Variants in USH2A observed in about 807,000 individuals in gnomAD.
The protein encoded by USH2A is usherin.
Under a neutral mutation model 538.9 loss-of-function variants are expected in USH2A, and 443 were observed. The observed-to-expected ratio is 0.82, with a 90% CI of 0.76 to 0.89. The LOEUF is 0.89. Ranked by LOEUF, USH2A falls within the 40% of genes least tolerant of loss-of-function variation. The pLI, the probability that USH2A is intolerant of heterozygous loss-of-function variation, is 0.00. For missense variants in USH2A, 6,633 were observed against 6,324.8 expected (o/e 1.05, Z -1.65); for synonymous variants, 2,413 against 2,273.5 (o/e 1.06, Z -1.75).
At chr1:215,957,212 T>A (rs1049447266) in intron 37 of USH2A, among the ~76,000 whole-genome samples, 1 of 152,200 alleles carries the variant, frequency 6.6e-6, no homozygotes, top group African/African-American at 2.4e-5. Flanking sequence ...TTTATATTAA[T>A]ACTTGCTTTG....
At position 215,779,904 on chromosome 1, in the gene USH2A, C is replaced by T; in HGVS notation, c.10878G>A (p.Arg3626=). ...TGTGGATGAGACCTTTCCCAACCTG[C>T]CTGATCTGGTACTCTTTAATGACGC... is the stretch of plus-strand genomic sequence containing the variant. ...SNGVIKEYQI[R]QVGKGLIHTD... Residue 3626 remains arginine, a synonymous_variant, in exon 55 of 72, where the codon AGG becomes AGA. Coordinates refer to ENST00000307340, the MANE Select transcript of USH2A (RefSeq NM_206933.4). 2 of 1,614,128 alleles carry T rather than the reference C, an allele frequency of 1.2e-6. No homozygotes were observed. Among genetic ancestry groups the T allele is most frequent in the Non-Finnish European group, 1.7e-6 (2 of 1,180,030 alleles).
intron 13 of USH2A, among the ~76,000 whole-genome samples, chr1:216,236,765 G>C (rs2035828071): frequency 6.6e-6 from 1 of 152,100 alleles, no homozygotes; most frequent in Admixed American, 6.5e-5. Flanking sequence ...AGATGGAACA[G>C]AGCTGCAGAA....
chr1:216,157,157 C>T, intron 21 of USH2A, among the ~76,000 whole-genome samples: 1 of 152,096 alleles, frequency 6.6e-6, no homozygotes. Flanking sequence ...AGGTGTGAGC[C>T]ACCGCGCCCA....
chr1:215,947,557 T>C lies in USH2A; in HGVS notation c.7121-12762A>G, dbSNP rs1175769211. On this transcript the variant is annotated intron_variant, in intron 37 of 71. Transcript: ENST00000307340. ...CATTGTTCAAAGATCTGCCTACATA[T>C]ACTCACAAGAGATGGAGGTGAAACT... Among the ~76,000 whole-genome samples, 3 of 152,224 alleles carry C rather than the reference T, an allele frequency of 2.0e-5. No individual in the cohort carries two copies. The South Asian group carries it at 6.2e-4, about 32-fold the overall frequency.
chr1:216,334,424 A>T (rs763872071), intron 4 of USH2A, among the ~76,000 whole-genome samples: 7 of 152,030 alleles, frequency 4.6e-5, no homozygotes, highest in Non-Finnish European at 7.4e-5. Flanking sequence ...TTTAGAAGAC[A>T]TAAATCATAT....
intron 38 of USH2A, among the ~76,000 whole-genome samples, chr1:215,927,051 A>C (rs548119015): frequency 6.6e-6 from 1 of 152,314 alleles, no homozygotes; most frequent in African/African-American, 2.4e-5. Context: ...ACAAAGAGTC[A>C]GCTGTATTTT....
chr1:216,017,838 C>T (rs1668754130), intron 32 of USH2A, among the ~76,000 whole-genome samples: 1 of 152,138 alleles, frequency 6.6e-6, no homozygotes, highest in Non-Finnish European at 1.5e-5. Flanking sequence ...ATAATCAATC[C>T]TTAAATATTA....
At position 215,647,850 on chromosome 1, in the gene USH2A, T is replaced by C; in HGVS notation, c.14583-120A>G. On this transcript the variant is annotated intron_variant, in intron 66 of 71. Coordinates refer to ENST00000307340, the MANE Select transcript of USH2A (RefSeq NM_206933.4). Reference sequence around the variant, plus strand: ...TGTTTTCACAGAGCTACAGGCTCTTTAAAATTTCCATTTGCAGGAAACTGC... The same window carrying C: ...TGTTTTCACAGAGCTACAGGCTCTTCAAAATTTCCATTTGCAGGAAACTGC... The C allele has an allele frequency of 2.5e-6, 3 of 1,185,972 alleles. No homozygotes were observed. In the East Asian group the frequency reaches 7.6e-5, roughly 30 times the overall value. 73.5% of individuals were successfully genotyped at this position (1,185,972 alleles called of 1,614,324 possible). A position where few individuals can be genotyped will look rare whatever the true frequency, so the allele number is the denominator to read the frequency against.
chr1:216,394,795 T>C (rs1386637103), intron 3 of USH2A, among the ~76,000 whole-genome samples: 1 of 144,148 alleles, frequency 6.9e-6, no homozygotes, highest in Non-Finnish European at 1.5e-5. Flanking sequence ...CTCCGCTCAC[T>C]GCAAGCTCCG....
intron 61 of USH2A, among the ~76,000 whole-genome samples, chr1:215,724,722 G>C (rs1436938422): frequency 6.6e-6 from 1 of 152,044 alleles, no homozygotes; most frequent in Non-Finnish European, 1.5e-5. Context: ...GCCTCAGAAC[G>C]AATCACTCAT....
At chr1:216,072,745 A>T (rs1389222877) in intron 29 of USH2A, 144 bp downstream of exon 29, 2 of 770,778 alleles carry the variant, frequency 2.6e-6, no homozygotes, top group East Asian at 2.5e-5. Context: ...AGCCATTGAC[A>T]GATGTATTTT....
chr1:215,690,986 C>T (rs554072138), intron 61 of USH2A, among the ~76,000 whole-genome samples: 6 of 152,160 alleles, frequency 3.9e-5, no homozygotes, highest in African/African-American at 9.6e-5. Context: ...CAGGTTCAAG[C>T]GATTCTTCTG....
chr1:216,039,787 A>T (rs775164256), intron 32 of USH2A, among the ~76,000 whole-genome samples: 1 of 151,906 alleles, frequency 6.6e-6, no homozygotes, highest in Non-Finnish European at 1.5e-5. Flanking sequence ...TAAGCAATAC[A>T]GCTTCTTCGT....
intron 64 of USH2A, among the ~76,000 whole-genome samples, chr1:215,655,352 T>C (rs1348042241): frequency 1.3e-5 from 2 of 152,240 alleles, no homozygotes; most frequent in Non-Finnish European, 2.9e-5. Flanking sequence ...TAGAGTTAAT[T>C]ACTGTGTTTT....
chr1:215,761,825 T>G (rs1660990447), intron 56 of USH2A, among the ~76,000 whole-genome samples: 1 of 152,190 alleles, frequency 6.6e-6, no homozygotes, highest in South Asian at 2.1e-4. Flanking sequence ...TGTCATCTAG[T>G]TATACTCTGA....
At chr1:216,375,252 A>C (rs1219204049) in intron 3 of USH2A, among the ~76,000 whole-genome samples, 1 of 152,138 alleles carries the variant, frequency 6.6e-6, no homozygotes, top group African/African-American at 2.4e-5. Flanking sequence ...TTCTCTAGCT[A>C]TGAAAGTCCT....
At chr1:216,267,054 C>T (rs1024594435) in intron 11 of USH2A, among the ~76,000 whole-genome samples, 3 of 151,804 alleles carry the variant, frequency 2.0e-5, no homozygotes, top group East Asian at 1.9e-4. Flanking sequence ...AGGGCGTGAG[C>T]GTAGATACAG....
At chr1:216,193,121 A>G (rs1053274049) in intron 19 of USH2A, among the ~76,000 whole-genome samples, 1 of 152,148 alleles carries the variant, frequency 6.6e-6, no homozygotes, top group African/African-American at 2.4e-5. Context: ...TAGATAAATC[A>G]AAACTGTGTT....
chr1:215,889,443 T>C (rs10495009), intron 40 of USH2A, among the ~76,000 whole-genome samples: 16,353 of 152,198 alleles, frequency 0.11, 1,145 homozygotes, highest in African/African-American at 0.19. Flanking sequence ...TAACTAATTA[T>C]AATCAATAAC....
Sources: allele counts gnomAD v4.1 joint callset (sites outside exome capture counted in the v4.1 genomes callset), GRCh38; gene constraint gnomAD v4.1.1; transcripts MANE v1.5; gene names NCBI Gene and HGNC (gene_info 2026-07-23, HGNC 2026-07-21).